The following AGTPBP1 variants were observed in gnomAD, a reference collection of about 807,000 sequenced individuals.
The protein encoded by AGTPBP1 is ATP/GTP binding carboxypeptidase 1.
AGTPBP1 carries 70 observed loss-of-function variants against 143.9 expected under a neutral mutation model. That is an observed-to-expected ratio of 0.49 (90% CI 0.40 to 0.59). AGTPBP1 has a LOEUF of 0.59. Among genes scored for constraint, AGTPBP1 ranks in the 20% least tolerant of loss-of-function variants. AGTPBP1 has a pLI of 0.00. For missense variants in AGTPBP1, 1,229 were observed against 1,464.5 expected (o/e 0.84, Z 2.62); for synonymous variants, 463 against 500.2 (o/e 0.93, Z 0.99).
the AGTPBP1 span, among the ~76,000 whole-genome samples, chr9:85,754,015 T>C: frequency 6.6e-6 from 1 of 152,214 alleles, no homozygotes; most frequent in Admixed American, 6.5e-5. Context: ...GTGAAACTTT[T>C]ATTATTACAA....
Position 85,737,473 on chromosome 9 carries a change from CA to C in AGTPBP1, c.-34+4301del, listed in dbSNP as rs576753105. Among the ~76,000 whole-genome samples, 195 of 152,284 alleles carry C rather than the reference CA, an allele frequency of 1.3e-3. 1 individual carries two copies. The highest frequency in any genetic ancestry group is 4.6e-3 in the African/African-American group (191 of 41,552). On this transcript the variant is annotated intron_variant, in intron 1 of 25. Coordinates refer to ENST00000357081, the MANE Select transcript of AGTPBP1 (RefSeq NM_001330701.2). ...CAATGATAAAATTTGAGCTTTCAAGCAAAAATCCGAATTCTGGAAAACTCAT... is the reference window on the plus strand; with the variant it reads ...CAATGATAAAATTTGAGCTTTCAAGCAAAATCCGAATTCTGGAAAACTCAT...
chr9:85,681,745 CTTTTTTTT>C (rs1204253430), intron 3 of AGTPBP1, among the ~76,000 whole-genome samples: 2 of 105,914 alleles, frequency 1.9e-5, no homozygotes, highest in East Asian at 7.0e-4. Flanking sequence ...GCATTAATAT[CTTTTTTTT>C]TTTTTTTTTT....
At chr9:85,770,620 A>G in the AGTPBP1 span, 2 of 573,654 alleles carry the variant, frequency 3.5e-6, no homozygotes, top group South Asian at 4.9e-5. Context: ...AAATTTGAGC[A>G]TGATTTCTCT....
At chr9:85,579,841 A>G (rs1828136745) in intron 23 of AGTPBP1, among the ~76,000 whole-genome samples, 1 of 150,578 alleles carries the variant, frequency 6.6e-6, no homozygotes, top group Non-Finnish European at 1.5e-5. Context: ...AAAACAATCT[A>G]AAGTCACTCT....
At chr9:85,555,553 C>T (rs890241481) in intron 25 of AGTPBP1, among the ~76,000 whole-genome samples, 5 of 152,216 alleles carry the variant, frequency 3.3e-5, no homozygotes, top group South Asian at 2.1e-4. Context: ...GAGCCGAGAT[C>T]GTGCCACTGC....
At chr9:85,718,300 T>C (rs778861038) in intron 1 of AGTPBP1, among the ~76,000 whole-genome samples, 1 of 152,202 alleles carries the variant, frequency 6.6e-6, no homozygotes, top group African/African-American at 2.4e-5. Flanking sequence ...GTGTAAGTGT[T>C]CCTATTTCTC....
At chr9:85,551,079 T>C (rs916745542) in intron 25 of AGTPBP1, among the ~76,000 whole-genome samples, 4 of 141,998 alleles carry the variant, frequency 2.8e-5, no homozygotes, top group South Asian at 2.2e-4. Context: ...CCATGTGACA[T>C]GTCTGCTCCC....
chr9:85,764,374 C>CA, the AGTPBP1 span, among the ~76,000 whole-genome samples: 1 of 151,832 alleles, frequency 6.6e-6, no homozygotes, highest in Non-Finnish European at 1.5e-5. Flanking sequence ...AGTAAAAATA[C>CA]AAAAAATTAG....
At position 85,654,465 on chromosome 9, in the gene AGTPBP1, A is replaced by G. The variant is rs1045491935; in HGVS notation, c.1087+678T>C. Among the ~76,000 whole-genome samples the G allele has an allele frequency of 3.9e-5, 6 of 152,186 alleles. 1 individual carries two copies. The highest frequency in any genetic ancestry group is 8.8e-5 in the Non-Finnish European group (6 of 68,028). On this transcript the variant is annotated intron_variant, in intron 11 of 25. Coordinates refer to ENST00000357081, the MANE Select transcript of AGTPBP1 (RefSeq NM_001330701.2). Reference sequence around the variant, plus strand: ...AGGTTGTTTTTTTTTAACTTAAGAAAAAAAATCACTGAAAAGCTACAAATG... The same window carrying G: ...AGGTTGTTTTTTTTTAACTTAAGAAGAAAAATCACTGAAAAGCTACAAATG...
chr9:85,644,239 ATATGTAATT>A (rs1832675365), intron 12 of AGTPBP1, among the ~76,000 whole-genome samples: 1 of 151,888 alleles, frequency 6.6e-6, no homozygotes, highest in South Asian at 2.1e-4. Flanking sequence ...TATTACATTA[ATATGTAATT>A]TAATCTCTTT....
At chr9:85,669,612 T>C (rs751483049) in intron 7 of AGTPBP1, 34 bp from the exon 8 acceptor site, 29 of 1,516,170 alleles carry the variant, frequency 1.9e-5, no homozygotes, top group Non-Finnish European at 2.6e-5. Flanking sequence ...AAAATTATTT[T>C]AAGGTTTGAC....
intron 2 of AGTPBP1, among the ~76,000 whole-genome samples, chr9:85,693,401 C>T (rs911135429): frequency 6.6e-6 from 1 of 152,148 alleles, no homozygotes; most frequent in Non-Finnish European, 1.5e-5. Flanking sequence ...AGTTTGAGAC[C>T]AGCCTGGCCA....
chr9:85,743,815 C>T (rs1486942631), upstream of AGTPBP1, among the ~76,000 whole-genome samples: 2 of 152,180 alleles, frequency 1.3e-5, no homozygotes. Flanking sequence ...TGGGACCTTG[C>T]ATATCCTCAC....
chr9:85,664,433 C>A (rs774830348), intron 8 of AGTPBP1, among the ~76,000 whole-genome samples: 4 of 151,988 alleles, frequency 2.6e-5, no homozygotes, highest in Non-Finnish European at 5.9e-5. Context: ...TTTTCTTCAG[C>A]CTAAAGTTCA....
chr9:85,744,235 C>T (rs62572060), upstream of AGTPBP1, among the ~76,000 whole-genome samples: 7,153 of 152,186 alleles, frequency 0.047, 195 homozygotes, highest in Middle Eastern at 0.068. Context: ...CACCTCAATC[C>T]TTAATCAGAC....
chr9:85,651,132 G>A (rs1395286649), intron 11 of AGTPBP1, among the ~76,000 whole-genome samples: 1 of 152,084 alleles, frequency 6.6e-6, no homozygotes, highest in Non-Finnish European at 1.5e-5. Context: ...AAACTGATCT[G>A]CTTGTCCTTG....
intron 3 of AGTPBP1, among the ~76,000 whole-genome samples, chr9:85,691,960 A>T (rs1338131023): frequency 6.6e-6 from 1 of 152,132 alleles, no homozygotes; most frequent in East Asian, 1.9e-4. Context: ...GATATTCGTT[A>T]CCTCTACTTC....
At position 85,631,213 on chromosome 9, in the gene AGTPBP1, C is replaced by G. The variant is rs77154016; in HGVS notation, c.2015+1449G>C. 9.4e-3 allele frequency among the ~76,000 whole-genome samples: 1,425 copies of G among 152,250 alleles called. 10 individuals are homozygous for G. Among genetic ancestry groups the G allele is most frequent in the Middle Eastern group, 0.031 (9 of 294 alleles). On this transcript the variant is annotated intron_variant, in intron 14 of 25. Coordinates refer to ENST00000357081, the MANE Select transcript of AGTPBP1 (RefSeq NM_001330701.2). ...ATGAGGACTTCTAACCCTGGAGAGCCCAGAGGTGGAGGGACAGAAAACAGA... is the reference window on the plus strand; with the variant it reads ...ATGAGGACTTCTAACCCTGGAGAGCGCAGAGGTGGAGGGACAGAAAACAGA...
At chr9:85,796,585 T>G in the AGTPBP1 span, among the ~76,000 whole-genome samples, 2 of 151,842 alleles carry the variant, frequency 1.3e-5, no homozygotes, top group African/African-American at 4.8e-5. Context: ...CAATGTGTAT[T>G]TCAAGTAGAT....
Sources: gnomAD v4.1 joint callset for allele counts (sites outside exome capture counted in the v4.1 genomes callset) on GRCh38, gnomAD v4.1.1 for gene constraint, MANE v1.5 for transcripts, NCBI Gene and HGNC (gene_info 2026-07-23, HGNC 2026-07-21) for gene names.